The following DCX variants were observed in gnomAD, a reference collection of about 807,000 sequenced individuals.
DCX encodes neuronal migration protein doublecortin.
In DCX, 4 loss-of-function variants were observed where a neutral mutation model predicts 20.9. The ratio of observed to expected loss-of-function variants is 0.19; its 90% CI spans 0.09 to 0.44. The LOEUF (loss-of-function observed/expected upper bound fraction) is 0.44. DCX is among the 20% of genes least tolerant of loss of function. The pLI is 0.99. For synonymous variants in DCX, 103 were observed against 111.4 expected (o/e 0.92, Z 0.47); for missense variants, 133 against 296.9 (o/e 0.45, Z 4.06).
In DCX at chrX:111,296,286, T is replaced by G. The variant is rs2095020583; in HGVS notation, c.*5401A>C. On this transcript the variant is annotated 3_prime_UTR_variant, in exon 7 of 7. Transcript: ENST00000636035. ...GTCTTTGCCTTACTTACAAGGTGACTTCTGTTGTGCCATCTGACCTCTCCC... is the reference window on the plus strand; with the variant it reads ...GTCTTTGCCTTACTTACAAGGTGACGTCTGTTGTGCCATCTGACCTCTCCC... 1 of 111,947 alleles carries G rather than the reference T, an allele frequency of 8.9e-6. No homozygotes were observed. Among genetic ancestry groups the G allele is most frequent in the Non-Finnish European group, 1.9e-5 (1 of 53,235 alleles). 9.2% of individuals were successfully genotyped at this position (111,947 alleles called of 1,213,427 possible).
intron 3 of DCX, among the ~76,000 whole-genome samples, chrX:111,353,010 A>G (rs916209774): frequency 8.9e-5 from 10 of 112,272 alleles, no homozygotes; most frequent in African/African-American, 3.2e-4. Context: ...AAGGAAAAAA[A>G]GAGAGTAAAT....
At chrX:111,349,007 T>G (rs140496669) in intron 3 of DCX, among the ~76,000 whole-genome samples, 3,450 of 111,781 alleles carry the variant, frequency 0.031, 138 homozygotes, top group African/African-American at 0.11. Context: ...TCTAGAGCCT[T>G]TTGAGATCTA....
Position 111,301,579 on chromosome X carries a change from AT to A in DCX, c.*107del, listed in dbSNP as rs1368522662. The A allele has an allele frequency of 1.2e-6, 1 of 804,109 alleles. No individual in the cohort carries two copies. Among genetic ancestry groups the A allele is most frequent in the Non-Finnish European group, 1.9e-6 (1 of 527,150 alleles). 66.3% of individuals were successfully genotyped at this position (804,109 alleles called of 1,213,427 possible). A position where few individuals can be genotyped will look rare whatever the true frequency, so the allele number is the denominator to read the frequency against. ...TTTTCAAAATAACAACAACAACAAAATAAAAACTTGAAAGCACCAATAGCCC... is the reference window on the plus strand; with the variant it reads ...TTTTCAAAATAACAACAACAACAAAAAAAAACTTGAAAGCACCAATAGCCC... On this transcript the variant is annotated 3_prime_UTR_variant, in exon 7 of 7. Transcript: ENST00000636035.
chrX:111,301,858 G>C, intron 6 of DCX, 115 bp from the exon 7 acceptor site: 1 of 703,927 alleles, frequency 1.4e-6, no homozygotes, highest in Admixed American at 2.8e-5. Flanking sequence ...AATAATTATA[G>C]ATTCACAGGA....
At chrX:111,409,982 A>G in intron 2 of DCX, 53 bp downstream of exon 2, 2 of 1,206,591 alleles carry the variant, frequency 1.7e-6, no homozygotes, top group South Asian at 3.5e-5. Flanking sequence ...GAATGTAACC[A>G]TAACCAATGA....
intron 5 of DCX, among the ~76,000 whole-genome samples, chrX:111,328,482 A>G (rs1390483945): frequency 8.9e-6 from 1 of 111,862 alleles, no homozygotes; most frequent in Non-Finnish European, 1.9e-5. Flanking sequence ...TGGGTAACCA[A>G]TTGGATGCAG....
Position 111,312,703 on chromosome X carries a change from G to T in DCX, c.980C>A (p.Pro327His), listed in dbSNP as rs1453286620. 6 of 1,211,763 alleles carry T rather than the reference G, an allele frequency of 5.0e-6. No individual in the cohort carries two copies. The highest frequency in any genetic ancestry group is 6.7e-6 in the Non-Finnish European group (6 of 895,549). The change falls in exon 6 of 7, where the codon CCC becomes CAC. Residue 327 changes from proline (P) to histidine (H), a missense_variant. By Grantham distance (77) the Pro-to-His change is moderately conservative. Coordinates refer to ENST00000636035, the MANE Select transcript of DCX (RefSeq NM_001195553.2). ...AGAGATGGGAGACTGCTTAGACTTGGGGGTAGAGAGCTGGCTGCTGGAGGT... is the reference window on the plus strand; with the variant it reads ...AGAGATGGGAGACTGCTTAGACTTGTGGGTAGAGAGCTGGCTGCTGGAGGT... ...NGTSSSQLST[P>H]KSKQSPISTP... is the part of the protein sequence containing the mutation.
intron 3 of DCX, among the ~76,000 whole-genome samples, chrX:111,364,704 T>C (rs1924467604): frequency 9.0e-6 from 1 of 111,676 alleles, no homozygotes; most frequent in African/African-American, 3.3e-5. Flanking sequence ...AGAATAACTA[T>C]CAAGTTGTAA....
chrX:111,406,757 T>C (rs1928241050), intron 2 of DCX, among the ~76,000 whole-genome samples: 1 of 112,285 alleles, frequency 8.9e-6, no homozygotes, highest in South Asian at 3.7e-4. Flanking sequence ...AGACAGAAAG[T>C]AGATTAACCA....
chrX:111,333,751 C>G (rs776859541), intron 3 of DCX, among the ~76,000 whole-genome samples: 1 of 112,011 alleles, frequency 8.9e-6, no homozygotes, highest in South Asian at 3.8e-4. Flanking sequence ...TCATCATGAG[C>G]AATGGGTCCC....
rs764709997 is a variant in DCX, at chrX:111,388,463, C to T, written c.705+12527G>A. ...TCTCTAATTAAAATACAAATAAATACCTGAGGCAAAGACCAGTGATTCCCA... is the reference window on the plus strand; with the variant it reads ...TCTCTAATTAAAATACAAATAAATATCTGAGGCAAAGACCAGTGATTCCCA... On this transcript the variant is annotated intron_variant, in intron 3 of 6. Transcript: ENST00000636035. Among the ~76,000 whole-genome samples, 9 of 111,827 alleles carry T rather than the reference C, an allele frequency of 8.0e-5. No individual in the cohort carries two copies. In the South Asian group the frequency reaches 2.3e-3, roughly 28 times the overall value.
intron 1 of DCX, chrX:111,411,160 G>T (rs1169956310): frequency 2.8e-5 from 12 of 432,408 alleles, no homozygotes; most frequent in Non-Finnish European, 4.8e-5. Context: ...GGGGGAAAAA[G>T]GATTAGAAAA....
chrX:111,369,426 A>G (rs1050333709), intron 3 of DCX, among the ~76,000 whole-genome samples: 1 of 112,091 alleles, frequency 8.9e-6, no homozygotes, highest in Non-Finnish European at 1.9e-5. Context: ...GGACAATTTC[A>G]TCAATCCAAA....
At chrX:111,371,079 C>T (rs992667735) in intron 3 of DCX, among the ~76,000 whole-genome samples, 33 of 112,218 alleles carry the variant, frequency 2.9e-4, no homozygotes, top group African/African-American at 1.0e-3. Flanking sequence ...AACATTTCTG[C>T]AGGCATATCA....
At chrX:111,308,697 T>A (rs1320578753) in intron 6 of DCX, among the ~76,000 whole-genome samples, 1 of 111,910 alleles carries the variant, frequency 8.9e-6, no homozygotes, top group East Asian at 2.8e-4. Context: ...GGAAAGTGCA[T>A]ATTTAAATAA....
intron 3 of DCX, among the ~76,000 whole-genome samples, chrX:111,345,023 G>A (rs1369315073): frequency 8.9e-6 from 1 of 112,034 alleles, no homozygotes; most frequent in Non-Finnish European, 1.9e-5. Flanking sequence ...AAAACAGCAC[G>A]TTACTGGTAG....
chrX:111,340,008 T>C (rs1488602724), intron 3 of DCX, among the ~76,000 whole-genome samples: 1 of 112,851 alleles, frequency 8.9e-6, no homozygotes, highest in Admixed American at 9.3e-5. Flanking sequence ...ACCTATTCTG[T>C]GTTGCATAAA....
At chrX:111,320,150 G>C (rs1168730464) in intron 5 of DCX, among the ~76,000 whole-genome samples, 1 of 112,101 alleles carries the variant, frequency 8.9e-6, no homozygotes, top group Non-Finnish European at 1.9e-5. Context: ...AGTGGACATA[G>C]AGAAATTAAG....
intron 3 of DCX, among the ~76,000 whole-genome samples, chrX:111,381,415 A>G (rs1431316284): frequency 9.1e-6 from 1 of 110,151 alleles, no homozygotes; most frequent in Non-Finnish European, 1.9e-5. Context: ...GGGACACTAA[A>G]CAGAATTTGG....
Sources: allele counts gnomAD v4.1 joint callset (sites outside exome capture counted in the v4.1 genomes callset), GRCh38; gene constraint gnomAD v4.1.1; transcripts MANE v1.5; gene names NCBI Gene and HGNC (gene_info 2026-07-23, HGNC 2026-07-21).